SOX6: variants seen among roughly 807,000 people sequenced by gnomAD.
SOX6 encodes the protein transcription factor SOX-6.
In SOX6, 11 loss-of-function variants were observed where a neutral mutation model predicts 97.8. That is an observed-to-expected ratio of 0.11 (90% confidence interval 0.07 to 0.19). The LOEUF (loss-of-function observed/expected upper bound fraction) is 0.19. Among genes scored for constraint, SOX6 ranks in the 10% least tolerant of loss-of-function variants. The pLI, the probability that SOX6 is intolerant of heterozygous loss-of-function variation, is 1.00. For synonymous variants in SOX6, 360 were observed against 371.4 expected (o/e 0.97, Z 0.35); for missense variants, 810 against 1,039.5 (o/e 0.78, Z 3.04).
Position 16,079,365 on chromosome 11 carries a change from G to C in SOX6, c.1101+16631C>G, listed in dbSNP as rs141913329. On this transcript the variant is annotated intron_variant, in intron 9 of 15. Transcript: ENST00000683767. ...AAGGAAAGTATAAGATTATTCGAAT[G>C]CTATTTTTTCACTTAATTATTGGAC... Among the ~76,000 whole-genome samples, 76 of 152,236 alleles carry C rather than the reference G, an allele frequency of 5.0e-4. 1 individual carries two copies. The East Asian group carries it at 0.015, about 29-fold the overall frequency.
At chr11:15,987,899 A>G (rs1853917547) in intron 14 of SOX6, among the ~76,000 whole-genome samples, 1 of 152,082 alleles carries the variant, frequency 6.6e-6, no homozygotes, top group South Asian at 2.1e-4. Flanking sequence ...CATATTTAAC[A>G]TTTCACCACT....
At chr11:16,028,570 C>A (rs1218249617) in intron 12 of SOX6, among the ~76,000 whole-genome samples, 1 of 152,160 alleles carries the variant, frequency 6.6e-6, no homozygotes, top group Non-Finnish European at 1.5e-5. Flanking sequence ...ATGTTATTTC[C>A]TCTTGTTCCC....
chr11:16,145,181 C>T (rs1184119791), intron 6 of SOX6, among the ~76,000 whole-genome samples: 2 of 152,170 alleles, frequency 1.3e-5, no homozygotes, highest in Non-Finnish European at 2.9e-5. Flanking sequence ...CCCTGGGATG[C>T]AAGGCTGGTT....
intron 3 of SOX6, among the ~76,000 whole-genome samples, chr11:16,263,617 A>G (rs559052462): frequency 4.6e-5 from 7 of 152,094 alleles, no homozygotes; most frequent in African/African-American, 1.7e-4. Context: ...TAATTGCAGA[A>G]TATCAGGACA....
chr11:16,268,302 A>G (rs191691399), intron 3 of SOX6, among the ~76,000 whole-genome samples: 2 of 151,374 alleles, frequency 1.3e-5, no homozygotes, highest in East Asian at 1.9e-4. Flanking sequence ...CCATAAATAC[A>G]TACAACTATA....
chr11:16,018,305 A>C (rs1564909590), intron 12 of SOX6, among the ~76,000 whole-genome samples: 2 of 151,706 alleles, frequency 1.3e-5, no homozygotes, highest in African/African-American at 4.8e-5. Flanking sequence ...AAACCATTCA[A>C]CTCTTCGGGC....
chr11:16,556,345 T>C (rs1308688821), intron 4 of SOX6, among the ~76,000 whole-genome samples: 1 of 151,750 alleles, frequency 6.6e-6, no homozygotes, highest in African/African-American at 2.4e-5. Flanking sequence ...TTATTATATG[T>C]TCATAAAACT....
rs1564971843 is a variant in SOX6, at chr11:16,132,301, AGG to A, written c.778-20380_778-20379del. On this transcript the variant is annotated intron_variant, in intron 6 of 15. Coordinates refer to ENST00000683767, the MANE Select transcript of SOX6 (RefSeq NM_001367873.1). The stretch of plus-strand genomic sequence containing the variant: ...AAGGAAGGAAGGAAGGAAGGAAGGA[AGG>A]AAGGAAGGAAGGAAGGAAGGAAGGA... Among the ~76,000 whole-genome samples, 103 of 127,752 alleles carry A rather than the reference AGG, an allele frequency of 8.1e-4. 2 individuals carry two copies. The highest frequency in any genetic ancestry group is 2.1e-3 in the African/African-American group (69 of 32,124). 83.8% of individuals were successfully genotyped at this position (127,752 alleles called of 152,430 possible).
chr11:15,974,796 A>G (rs1194773941), intron 15 of SOX6, among the ~76,000 whole-genome samples: 1 of 152,158 alleles, frequency 6.6e-6, no homozygotes, highest in South Asian at 2.1e-4. Flanking sequence ...TTTAATCACC[A>G]CAAGGCACAT....
chr11:16,009,055 C>T (rs1276327468), intron 13 of SOX6, among the ~76,000 whole-genome samples: 1 of 151,896 alleles, frequency 6.6e-6, no homozygotes, highest in Non-Finnish European at 1.5e-5. Flanking sequence ...ACCCATATGC[C>T]CACAGCATAG....
intron 4 of SOX6, among the ~76,000 whole-genome samples, chr11:16,528,231 C>T (rs1344089680): frequency 6.6e-6 from 1 of 152,076 alleles, no homozygotes; most frequent in Non-Finnish European, 1.5e-5. Flanking sequence ...AGGAAATATA[C>T]TTACTCTATA....
intron 6 of SOX6, among the ~76,000 whole-genome samples, chr11:16,167,431 C>A (rs916138090): frequency 6.6e-6 from 1 of 152,152 alleles, no homozygotes; most frequent in Non-Finnish European, 1.5e-5. Flanking sequence ...CTAATTGCAA[C>A]ACAGTAGCCA....
At chr11:16,090,016 T>C (rs1261500055) in intron 9 of SOX6, among the ~76,000 whole-genome samples, 2 of 152,120 alleles carry the variant, frequency 1.3e-5, no homozygotes, top group African/African-American at 4.8e-5. Flanking sequence ...TGCAGATATA[T>C]GATACATAAT....
intron 3 of SOX6, among the ~76,000 whole-genome samples, chr11:16,670,179 C>T (rs1847837226): frequency 6.6e-6 from 1 of 152,134 alleles, no homozygotes; most frequent in Non-Finnish European, 1.5e-5. Flanking sequence ...CACAAAACAG[C>T]CCCTCTGCCA....
Position 16,527,396 on chromosome 11 carries a change from T to G in SOX6, n.610-51008A>C, listed in dbSNP as rs543258551. ...AAATTAAGTTAATCTAATTTACCTCTCCCAGATGTATTCATATTTTATACT... is the reference window on the plus strand; with the variant it reads ...AAATTAAGTTAATCTAATTTACCTCGCCCAGATGTATTCATATTTTATACT... On this transcript the variant is annotated intron_variant and non_coding_transcript_variant, in intron 4 of 5. Coordinates refer to the SOX6 transcript ENST00000524520. Among the ~76,000 whole-genome samples the G allele has an allele frequency of 5.3e-5, 8 of 152,234 alleles. No individual in the cohort carries two copies. The South Asian group carries it at 1.7e-3, about 32-fold the overall frequency.
At chr11:16,204,382 T>C (rs537646415) in intron 4 of SOX6, among the ~76,000 whole-genome samples, 284 of 152,142 alleles carry the variant, frequency 1.9e-3, no homozygotes, top group African/African-American at 6.7e-3. Flanking sequence ...TCCTATAAAC[T>C]GAAGAACTGG....
chr11:16,373,622 T>C (rs914314939), intron 1 of SOX6, among the ~76,000 whole-genome samples: 8 of 152,204 alleles, frequency 5.3e-5, no homozygotes, highest in African/African-American at 1.4e-4. Context: ...GATACAATCA[T>C]ACCCAGGCAT....
chr11:16,166,455 T>C (rs1348696873), intron 6 of SOX6, among the ~76,000 whole-genome samples: 1 of 152,228 alleles, frequency 6.6e-6, no homozygotes, highest in African/African-American at 2.4e-5. Context: ...TCCTTCTTTG[T>C]CCATTAAAAT....
chr11:16,125,817 A>T (rs1271003903), intron 6 of SOX6, among the ~76,000 whole-genome samples: 1 of 15,594 alleles, frequency 6.4e-5, no homozygotes, highest in Non-Finnish European at 1.5e-4. Context: ...AAGAAATCAT[A>T]GGAAGGAAGG....
Sources: gnomAD v4.1 joint callset for allele counts (sites outside exome capture counted in the v4.1 genomes callset) on GRCh38, gnomAD v4.1.1 for gene constraint, MANE v1.5 for transcripts, NCBI Gene and HGNC (gene_info 2026-07-23, HGNC 2026-07-21) for gene names.